Variants in NTRK3 observed in about 807,000 individuals in gnomAD.
NTRK3 encodes neurotrophic receptor tyrosine kinase 3, also known as NT-3 growth factor receptor.
In NTRK3, 24 loss-of-function variants were observed where a neutral mutation model predicts 91.7. That is an observed-to-expected ratio of 0.26 (90% CI 0.19 to 0.37). NTRK3 has a LOEUF of 0.37. NTRK3 is among the 10% of genes least tolerant of loss of function. The pLI is 1.00. For synonymous variants in NTRK3, 483 were observed against 404.0 expected (o/e 1.20, Z -2.34); for missense variants, 880 against 1,068.9 (o/e 0.82, Z 2.46).
intron 13 of NTRK3, among the ~76,000 whole-genome samples, chr15:88,066,240 T>C (rs1484038859): frequency 6.6e-6 from 1 of 152,190 alleles, no homozygotes; most frequent in Admixed American, 6.5e-5. Flanking sequence ...GTCAGACATG[T>C]AGGGAGAATG....
chr15:88,211,621 A>G (rs1202818436), intron 3 of NTRK3, among the ~76,000 whole-genome samples: 1 of 152,274 alleles, frequency 6.6e-6, no homozygotes, highest in Non-Finnish European at 1.5e-5. Context: ...TTAAAAGGGA[A>G]CAAAGGAGTA....
chr15:88,178,064 A>C (rs560762863), intron 5 of NTRK3, among the ~76,000 whole-genome samples: 1 of 152,190 alleles, frequency 6.6e-6, no homozygotes, highest in African/African-American at 2.4e-5. Context: ...CCAGCATTTC[A>C]TGGCTAAGTC....
intron 17 of NTRK3, among the ~76,000 whole-genome samples, chr15:87,894,390 C>A (rs766673087): frequency 1.1e-4 from 16 of 152,204 alleles, no homozygotes; most frequent in Non-Finnish European, 1.2e-4. Context: ...TACATACACA[C>A]ATCCATACAC....
intron 14 of NTRK3, among the ~76,000 whole-genome samples, chr15:87,976,510 C>T (rs1381413495): frequency 6.6e-6 from 1 of 152,152 alleles, no homozygotes; most frequent in Non-Finnish European, 1.5e-5. Context: ...GGAGCCTTTT[C>T]CCGGCCCGCA....
chr15:87,901,263 C>A (rs1032519131), intron 17 of NTRK3, among the ~76,000 whole-genome samples: 7 of 152,216 alleles, frequency 4.6e-5, no homozygotes, highest in African/African-American at 1.7e-4. Context: ...AAATGTGAAG[C>A]CAGAAATCAC....
intron 6 of NTRK3, among the ~76,000 whole-genome samples, chr15:88,139,254 G>C (rs567620205): frequency 7.2e-5 from 11 of 152,276 alleles, no homozygotes; most frequent in African/African-American, 2.4e-4. Context: ...ACAATGAACA[G>C]CATTAATCAA....
At chr15:88,136,361 T>C (rs746129062) in intron 8 of NTRK3, 106 bp downstream of exon 8, 47 of 1,395,060 alleles carry the variant, frequency 3.4e-5, no homozygotes, top group Non-Finnish European at 4.5e-5. Flanking sequence ...CCCAAGTCTA[T>C]GTGTTTTTTC....
intron 13 of NTRK3, among the ~76,000 whole-genome samples, chr15:88,097,740 A>C (rs141780529): frequency 9.3e-4 from 142 of 152,356 alleles, no homozygotes; most frequent in African/African-American, 3.2e-3. Flanking sequence ...TGATTACATA[A>C]TAATATGGAG....
intron 14 of NTRK3, among the ~76,000 whole-genome samples, chr15:87,984,836 C>A (rs77283483): frequency 6.6e-6 from 1 of 152,104 alleles, no homozygotes; most frequent in African/African-American, 2.4e-5. Flanking sequence ...TCAGTTTATA[C>A]GAGGTGTGTG....
At chr15:88,058,602 C>A (rs1410648322) in intron 13 of NTRK3, among the ~76,000 whole-genome samples, 2 of 152,102 alleles carry the variant, frequency 1.3e-5, no homozygotes, top group African/African-American at 4.8e-5. Flanking sequence ...CCACTACCCT[C>A]CACCATGCCC....
chr15:87,929,316 G>T (rs2141912761), exon 17 of NTRK3: 1 of 1,614,194 alleles, frequency 6.2e-7, no homozygotes, highest in Admixed American at 1.7e-5. Context: ...TGGGAGGCCA[G>T]GTACACCATA....
At chr15:88,168,241 T>C (rs958343850) in intron 5 of NTRK3, among the ~76,000 whole-genome samples, 2 of 152,148 alleles carry the variant, frequency 1.3e-5, no homozygotes, top group African/African-American at 4.8e-5. Context: ...ATGTGAAAAG[T>C]CCAACAGGGA....
intron 13 of NTRK3, among the ~76,000 whole-genome samples, chr15:88,075,575 G>GAA (rs1379305879): frequency 6.9e-6 from 1 of 145,722 alleles, no homozygotes; most frequent in Non-Finnish European, 1.5e-5. Flanking sequence ...GTCTCCAAAG[G>GAA]AGAAGTCTCC....
intron 13 of NTRK3, among the ~76,000 whole-genome samples, chr15:88,047,520 T>G (rs1419913404): frequency 6.6e-6 from 1 of 152,212 alleles, no homozygotes; most frequent in Non-Finnish European, 1.5e-5. Flanking sequence ...TTTATAGTAT[T>G]ATTCTTGTAC....
intron 14 of NTRK3, among the ~76,000 whole-genome samples, chr15:88,029,560 T>C (rs894096212): frequency 6.6e-6 from 1 of 152,224 alleles, no homozygotes; most frequent in African/African-American, 2.4e-5. Flanking sequence ...GGTAGCATTA[T>C]GTTCATGCAA....
intron 3 of NTRK3, among the ~76,000 whole-genome samples, chr15:88,226,327 A>T (rs2050672362): frequency 6.6e-6 from 1 of 152,192 alleles, no homozygotes; most frequent in South Asian, 2.1e-4. Context: ...TGCAGCCACC[A>T]GAGCATCCCT....
chr15:88,126,166 C>G (rs113395516), intron 13 of NTRK3, 105 bp downstream of exon 13: 1 of 828,850 alleles, frequency 1.2e-6, no homozygotes, highest in African/African-American at 1.7e-5. Flanking sequence ...ACCCCATGAC[C>G]GGAGGCCCTC....
chr15:88,058,083 T>C (rs941777363), intron 13 of NTRK3, among the ~76,000 whole-genome samples: 3 of 152,206 alleles, frequency 2.0e-5, no homozygotes, highest in Non-Finnish European at 4.4e-5. Flanking sequence ...AAGCCAATCA[T>C]TCTGCCTGGC....
intron 6 of NTRK3, among the ~76,000 whole-genome samples, chr15:88,139,595 A>G (rs1337472995): frequency 2.6e-5 from 4 of 152,138 alleles, no homozygotes; most frequent in Admixed American, 2.6e-4. Flanking sequence ...CTCTCTGCAC[A>G]TGGTACTCTG....
Sources: allele counts gnomAD v4.1 joint callset (sites outside exome capture counted in the v4.1 genomes callset), GRCh38; gene constraint gnomAD v4.1.1; transcripts MANE v1.5; gene names NCBI Gene and HGNC (gene_info 2026-07-23, HGNC 2026-07-21).